The following SHISA9 variants were observed in gnomAD, a reference collection of about 807,000 sequenced individuals.
The protein encoded by SHISA9 is shisa family member 9, also known as protein shisa-9.
In SHISA9, 13 loss-of-function variants were observed where a neutral mutation model predicts 38.0. That is an observed-to-expected ratio of 0.34 (90% CI 0.22 to 0.54). SHISA9 has a LOEUF of 0.54. Ranked by LOEUF, SHISA9 falls within the 20% of genes least tolerant of loss-of-function variation. The pLI, the probability that SHISA9 is intolerant of heterozygous loss-of-function variation, is 0.91. For synonymous variants in SHISA9, 275 were observed against 242.0 expected, an observed-to-expected ratio of 1.14 and a Z score of -1.27; for missense variants, 538 against 575.8, an observed-to-expected ratio of 0.93 and a Z score of 0.67.
At position 13,166,141 on chromosome 16, in the gene SHISA9, G is replaced by T. The variant is rs1043931271; in HGVS notation, c.692-37253G>T. On this transcript the variant is annotated intron_variant, in intron 2 of 4. Coordinates refer to ENST00000558583, the MANE Select transcript of SHISA9 (RefSeq NM_001145204.3). ...CTGTTTTATTAACTTCCATTTCATGGATGAGATAATCAAGGTCCTGATAAA... is the reference window on the plus strand; with the variant it reads ...CTGTTTTATTAACTTCCATTTCATGTATGAGATAATCAAGGTCCTGATAAA... 8.5e-5 allele frequency among the ~76,000 whole-genome samples: 13 copies of T among 152,282 alleles called. No homozygotes were observed. The East Asian group carries it at 2.5e-3, about 29-fold the overall frequency.
At chr16:13,451,678 A>G in the SHISA9 span, among the ~76,000 whole-genome samples, 18 of 152,224 alleles carry the variant, frequency 1.2e-4, no homozygotes, top group Admixed American at 9.2e-4. Context: ...CCTAGTTGGG[A>G]AAATGCTTTG....
the SHISA9 span, among the ~76,000 whole-genome samples, chr16:13,472,421 T>G: frequency 1.5e-5 from 2 of 132,788 alleles, no homozygotes; most frequent in African/African-American, 2.9e-5. Flanking sequence ...AGACGGAGTC[T>G]TGCCCTGTCG....
At chr16:13,025,172 C>G (rs902643780) in intron 2 of SHISA9, among the ~76,000 whole-genome samples, 1 of 152,024 alleles carries the variant, frequency 6.6e-6, no homozygotes, top group Non-Finnish European at 1.5e-5. Context: ...TTATAATTGT[C>G]TATTTATTAT....
intron 2 of SHISA9, among the ~76,000 whole-genome samples, chr16:13,196,509 C>T (rs2578579): frequency 1.3e-5 from 2 of 151,734 alleles, no homozygotes; most frequent in Non-Finnish European, 1.5e-5. Context: ...AACTGTCACA[C>T]GCAAGAGGAA....
At chr16:12,982,339 T>C (rs778665468) in intron 2 of SHISA9, among the ~76,000 whole-genome samples, 32 of 152,222 alleles carry the variant, frequency 2.1e-4, no homozygotes, top group Non-Finnish European at 4.3e-4. Flanking sequence ...CAGCTAGTGA[T>C]TGCCATAGTG....
the SHISA9 span, among the ~76,000 whole-genome samples, chr16:13,306,258 A>C: frequency 8.5e-5 from 13 of 152,230 alleles, no homozygotes; most frequent in Non-Finnish European, 1.9e-4. Context: ...TGGAGACAGG[A>C]AAAAGTCAAA....
chr16:13,251,485 G>T, the SHISA9 span, among the ~76,000 whole-genome samples: 2 of 152,076 alleles, frequency 1.3e-5, no homozygotes, highest in African/African-American at 4.8e-5. Flanking sequence ...AACACACCAC[G>T]GCCCAAACTT....
the SHISA9 span, among the ~76,000 whole-genome samples, chr16:13,547,263 G>T: frequency 2.0e-5 from 3 of 152,174 alleles, no homozygotes; most frequent in Admixed American, 6.5e-5. Context: ...GAAGATTGAA[G>T]ATAAAGATGT....
the SHISA9 span, among the ~76,000 whole-genome samples, chr16:13,266,913 C>T: frequency 6.6e-6 from 1 of 152,104 alleles, no homozygotes; most frequent in Admixed American, 6.6e-5. Flanking sequence ...TTGATTCTTG[C>T]ATCAGATTCA....
intron 1 of SHISA9, among the ~76,000 whole-genome samples, chr16:12,911,971 T>C (rs1672679245): frequency 1.3e-5 from 2 of 152,354 alleles, no homozygotes; most frequent in South Asian, 4.1e-4. Flanking sequence ...ATTTAATCTG[T>C]GCATCCCCTT....
intron 2 of SHISA9, among the ~76,000 whole-genome samples, chr16:13,171,116 C>T (rs766227061): frequency 5.9e-5 from 9 of 152,130 alleles, no homozygotes; most frequent in East Asian, 1.9e-4. Flanking sequence ...GGGAAGCAGG[C>T]GTGTCACATG....
intron 2 of SHISA9, among the ~76,000 whole-genome samples, chr16:13,061,365 C>G (rs2073373731): frequency 6.6e-6 from 1 of 152,222 alleles, no homozygotes; most frequent in East Asian, 1.9e-4. Context: ...CCTATTCTCC[C>G]ATTTAGAGTT....
Position 13,203,508 on chromosome 16 carries a change from C to T in SHISA9, c.806C>T (p.Pro269Leu). 2.6e-6 allele frequency: 4 copies of T among 1,547,824 alleles called. No homozygotes were observed. The highest frequency in any genetic ancestry group is 2.6e-6 in the Non-Finnish European group (3 of 1,145,216). Residue 269 changes from proline (P) to leucine (L), a missense_variant, in exon 3 of 5, where the codon CCA becomes CTA. Physicochemically the swap from Pro to Leu is moderately conservative, Grantham distance 98 (BLOSUM62 -3). Transcript: ENST00000558583. Reference sequence around the variant, plus strand: ...TCCAACCCCTATGAACAGCAGCCACCAGGAAAAGAGCTCAACAAGTACGCC... The same window carrying T: ...TCCAACCCCTATGAACAGCAGCCACTAGGAAAAGAGCTCAACAAGTACGCC... Reference protein sequence around the residue: ...QISNPYEQQPPGKELNKYASL... With the variant: ...QISNPYEQQPLGKELNKYASL...
intron 2 of SHISA9, among the ~76,000 whole-genome samples, chr16:13,133,842 G>C (rs2050325528): frequency 6.6e-6 from 1 of 152,136 alleles, no homozygotes; most frequent in Non-Finnish European, 1.5e-5. Flanking sequence ...AAATCAAAGG[G>C]GGTGTGAAAT....
the SHISA9 span, among the ~76,000 whole-genome samples, chr16:13,356,970 T>G: frequency 2.0e-5 from 3 of 152,180 alleles, no homozygotes; most frequent in East Asian, 5.8e-4. Context: ...AGGTGTGAGT[T>G]GAAGAGGTTT....
chr16:13,013,759 G>A (rs188899099), intron 2 of SHISA9, among the ~76,000 whole-genome samples: 8 of 151,646 alleles, frequency 5.3e-5, no homozygotes, highest in East Asian at 1.9e-4. Flanking sequence ...ACGGAGTCTC[G>A]CTCTGTCGCC....
At chr16:12,939,938 G>T (rs2071586994) in intron 2 of SHISA9, among the ~76,000 whole-genome samples, 1 of 152,164 alleles carries the variant, frequency 6.6e-6, no homozygotes, top group African/African-American at 2.4e-5. Context: ...CCTCCTCCTA[G>T]GTGATTCTGA....
chr16:13,356,579 G>A, the SHISA9 span, among the ~76,000 whole-genome samples: 1 of 152,120 alleles, frequency 6.6e-6, no homozygotes, highest in Non-Finnish European at 1.5e-5. Context: ...AGGAGCAGAG[G>A]CTGAGGAAGG....
At chr16:13,079,420 G>C (rs1397875137) in intron 2 of SHISA9, among the ~76,000 whole-genome samples, 1 of 152,108 alleles carries the variant, frequency 6.6e-6, no homozygotes, top group African/African-American at 2.4e-5. Flanking sequence ...TTTGTTGTTA[G>C]CATTCTAGAA....
Sources: gnomAD v4.1 joint callset for allele counts (sites outside exome capture counted in the v4.1 genomes callset) on GRCh38, gnomAD v4.1.1 for gene constraint, MANE v1.5 for transcripts, NCBI Gene and HGNC (gene_info 2026-07-23, HGNC 2026-07-21) for gene names.